The following KCNMA1 variants were observed in gnomAD, a reference collection of about 807,000 sequenced individuals.
The protein encoded by KCNMA1 is Calcium-activated potassium channel subunit alpha-1.
In KCNMA1, 29 loss-of-function variants were observed where a neutral mutation model predicts 140.0. The ratio of observed to expected loss-of-function variants is 0.21; its 90% CI spans 0.15 to 0.28. KCNMA1 has a LOEUF of 0.28. Among genes scored for constraint, KCNMA1 ranks in the 10% least tolerant of loss-of-function variants. The pLI is 1.00. For missense variants in KCNMA1, 880 were observed against 1,602.2 expected (o/e 0.55, Z 7.70); for synonymous variants, 612 against 611.9 (o/e 1.00, Z 0.00).
At chr10:77,064,207 T>C in intron 14 of KCNMA1, 1 of 675,584 alleles carries the variant, frequency 1.5e-6, no homozygotes, top group Non-Finnish European at 1.8e-6. Context: ...AAGTTTGCTT[T>C]ACCTTTAATG....
chr10:76,881,643 T>C (rs117319079), downstream of KCNMA1, among the ~76,000 whole-genome samples: 889 of 152,270 alleles, frequency 5.8e-3, 5 homozygotes, highest in Middle Eastern at 0.014. Flanking sequence ...GTAAGTTTAG[T>C]ACTAGCCTGA....
chr10:77,281,259 AG>A (rs2068496360), intron 2 of KCNMA1, among the ~76,000 whole-genome samples: 1 of 152,204 alleles, frequency 6.6e-6, no homozygotes. Flanking sequence ...GACTGCCCTT[AG>A]GAAGCCCTTA....
chr10:76,910,035 C>T lies in KCNMA1; in HGVS notation c.3078G>A (p.Leu1026=), dbSNP rs770769166. ...QDDDDDPDTE[L]YLTQPFACGT... ...CACAGGCAAAGGGCTGCGTGAGGTACAGTTCTGTATCAGGGTCATCATCAT... is the reference window on the plus strand; with the variant it reads ...CACAGGCAAAGGGCTGCGTGAGGTATAGTTCTGTATCAGGGTCATCATCAT... Residue 1026 remains leucine (L), a synonymous_variant, in exon 25 of 28, where the codon CTG becomes CTA. Transcript: ENST00000286628. The T allele has an allele frequency of 6.2e-7, 1 of 1,614,058 alleles. No individual in the cohort carries two copies. Among genetic ancestry groups the T allele is most frequent in the Non-Finnish European group, 8.5e-7 (1 of 1,179,974 alleles).
Position 77,134,588 on chromosome 10 carries a change from C to T in KCNMA1, c.809-13540G>A, listed in dbSNP as rs74801895. Among the ~76,000 whole-genome samples the T allele has an allele frequency of 7.7e-3, 1,169 of 152,104 alleles. 17 individuals carry two copies. Among genetic ancestry groups the T allele is most frequent in the African/African-American group, 0.026 (1,062 of 41,514 alleles). ...GTATTGAGAAAGAGCCCCATGACAA[C>T]GGTCAGGGCAATAATTTTTTGGAAA... On this transcript the variant is annotated intron_variant, in intron 5 of 27. Coordinates refer to ENST00000286628, the MANE Select transcript of KCNMA1 (RefSeq NM_001161352.2).
At chr10:76,924,335 A>AT (rs1287271214) in intron 23 of KCNMA1, among the ~76,000 whole-genome samples, 2 of 152,174 alleles carry the variant, frequency 1.3e-5, no homozygotes, top group South Asian at 2.1e-4. Context: ...TGTATGATCC[A>AT]TTTTTTTGAG....
intron 2 of KCNMA1, among the ~76,000 whole-genome samples, chr10:77,289,185 T>G (rs1024597746): frequency 1.3e-5 from 2 of 152,150 alleles, no homozygotes; most frequent in African/African-American, 4.8e-5. Flanking sequence ...AATTAGCTCC[T>G]TGGCAGGCAA....
chr10:77,096,778 C>G (rs1566073020), intron 9 of KCNMA1, among the ~76,000 whole-genome samples: 1 of 152,182 alleles, frequency 6.6e-6, no homozygotes, highest in Non-Finnish European at 1.5e-5. Flanking sequence ...ACATATTGAT[C>G]TAGATGTCTC....
At chr10:77,490,259 C>G (rs1024705177) in intron 1 of KCNMA1, among the ~76,000 whole-genome samples, 1 of 152,132 alleles carries the variant, frequency 6.6e-6, no homozygotes, top group East Asian at 1.9e-4. Context: ...ATATCCAACT[C>G]CCATAATGAA....
intron 1 of KCNMA1, among the ~76,000 whole-genome samples, chr10:77,461,333 C>G (rs1439587526): frequency 6.6e-6 from 1 of 151,994 alleles, no homozygotes; most frequent in Non-Finnish European, 1.5e-5. Flanking sequence ...CTTGCCCCAC[C>G]CTGCTATTTG....
Position 77,181,468 on chromosome 10 carries a change from A to G in KCNMA1, c.808+1953T>C, listed in dbSNP as rs561949562. On this transcript the variant is annotated intron_variant, in intron 5 of 27. Transcript: ENST00000286628. ...GCTTCCCTGTCCACCCCAATGACCT[A>G]GATCCCAAATTTCCCATTAATGACC... 5.3e-5 allele frequency among the ~76,000 whole-genome samples: 8 copies of G among 152,310 alleles called. 1 individual carries two copies. In the South Asian group the frequency reaches 1.7e-3, roughly 32 times the overall value.
At chr10:77,044,135 C>T (rs976785957) in intron 14 of KCNMA1, among the ~76,000 whole-genome samples, 4 of 152,248 alleles carry the variant, frequency 2.6e-5, no homozygotes, top group Middle Eastern at 3.4e-3. Flanking sequence ...CCAATCACAT[C>T]AGACAAGTCA....
At chr10:77,318,411 G>T (rs1021116110) in intron 2 of KCNMA1, among the ~76,000 whole-genome samples, 12 of 152,128 alleles carry the variant, frequency 7.9e-5, no homozygotes, top group African/African-American at 1.7e-4. Context: ...AGCTCATGCC[G>T]CCATGGACTG....
chr10:77,093,741 A>G (rs2096867301), intron 9 of KCNMA1, among the ~76,000 whole-genome samples: 1 of 152,248 alleles, frequency 6.6e-6, no homozygotes, highest in South Asian at 2.1e-4. Context: ...TAGAGATATC[A>G]ACACAAATAT....
At chr10:76,955,481 C>T (rs974954498) in intron 20 of KCNMA1, among the ~76,000 whole-genome samples, 8 of 152,184 alleles carry the variant, frequency 5.3e-5, no homozygotes, top group African/African-American at 1.9e-4. Flanking sequence ...ATGACAAATA[C>T]TATGTGAAGC....
chr10:77,529,523 G>C (rs1481884711), intron 1 of KCNMA1, among the ~76,000 whole-genome samples: 2 of 151,926 alleles, frequency 1.3e-5, no homozygotes, highest in Non-Finnish European at 2.9e-5. Flanking sequence ...TCAGCTGTAA[G>C]CTTCTTCCAT....
intron 20 of KCNMA1, among the ~76,000 whole-genome samples, chr10:76,962,874 C>T (rs1013746226): frequency 6.6e-6 from 1 of 152,156 alleles, no homozygotes; most frequent in Non-Finnish European, 1.5e-5. Context: ...AGATCCAAAA[C>T]GTGTGCAGTG....
At chr10:77,406,265 T>C (rs1047879057) in intron 1 of KCNMA1, among the ~76,000 whole-genome samples, 1 of 152,050 alleles carries the variant, frequency 6.6e-6, no homozygotes, top group Non-Finnish European at 1.5e-5. Flanking sequence ...TCAACCATGG[T>C]AACTGAAGGT....
At chr10:77,415,276 C>T (rs2096715706) in intron 1 of KCNMA1, among the ~76,000 whole-genome samples, 2 of 152,242 alleles carry the variant, frequency 1.3e-5, no homozygotes, top group Non-Finnish European at 2.9e-5. Context: ...ATCTCCTTCT[C>T]TTTCAATTAG....
At chr10:77,512,956 G>A (rs2048944532) in intron 1 of KCNMA1, among the ~76,000 whole-genome samples, 1 of 152,124 alleles carries the variant, frequency 6.6e-6, no homozygotes, top group South Asian at 2.1e-4. Flanking sequence ...CTTACTCCCT[G>A]GCCTTACTGT....
Sources: gnomAD v4.1 joint callset for allele counts (sites outside exome capture counted in the v4.1 genomes callset) on GRCh38, gnomAD v4.1.1 for gene constraint, MANE v1.5 for transcripts, NCBI Gene and HGNC (gene_info 2026-07-23, HGNC 2026-07-21) for gene names.